The following GLG1 variants were observed in gnomAD, a reference collection of about 807,000 sequenced individuals.
The protein encoded by GLG1 is Golgi apparatus protein 1.
In GLG1, 38 loss-of-function variants were observed where a neutral mutation model predicts 160.5. The observed-to-expected ratio is 0.24, with a 90% CI of 0.18 to 0.31. The LOEUF (loss-of-function observed/expected upper bound fraction) is 0.31. Ranked by LOEUF, GLG1 falls within the 10% of genes least tolerant of loss-of-function variation. GLG1 has a pLI of 1.00. For missense variants in GLG1, 1,373 were observed against 1,505.2 expected, an observed-to-expected ratio of 0.91 and a Z score of 1.45; for synonymous variants, 644 against 543.4, an observed-to-expected ratio of 1.19 and a Z score of -2.57.
chr16:74,591,826 T>A (rs1958191100), intron 1 of GLG1, among the ~76,000 whole-genome samples: 1 of 152,166 alleles, frequency 6.6e-6, no homozygotes, highest in Non-Finnish European at 1.5e-5. Flanking sequence ...ATTTCAGTAA[T>A]TTTTGAATTT....
chr16:74,496,391 A>AT, intron 5 of GLG1, 50 bp downstream of exon 5: 1 of 1,197,414 alleles, frequency 8.4e-7, no homozygotes, highest in Non-Finnish European at 1.2e-6. Flanking sequence ...ACAAAATTAT[A>AT]TATGTGTAAA....
At chr16:74,548,645 A>C (rs574096613) in intron 1 of GLG1, among the ~76,000 whole-genome samples, 1 of 120,440 alleles carries the variant, frequency 8.3e-6, no homozygotes, top group South Asian at 3.3e-4. Context: ...GCCTCAATTT[A>C]AATCTCAATT....
chr16:74,602,371 CA>C (rs923491932), intron 1 of GLG1, among the ~76,000 whole-genome samples: 12 of 151,684 alleles, frequency 7.9e-5, no homozygotes, highest in East Asian at 1.9e-4. Flanking sequence ...CAAAAACAAA[CA>C]AAAAAAACCT....
intron 2 of GLG1, among the ~76,000 whole-genome samples, chr16:74,518,145 A>G (rs917008879): frequency 3.9e-5 from 6 of 152,108 alleles, no homozygotes; most frequent in Admixed American, 3.3e-4. Flanking sequence ...TATAGAGTCA[A>G]TGCTATCCTC....
At chr16:74,530,894 C>G (rs1270108712) in intron 2 of GLG1, among the ~76,000 whole-genome samples, 2 of 152,096 alleles carry the variant, frequency 1.3e-5, no homozygotes, top group Non-Finnish European at 2.9e-5. Flanking sequence ...AAACTTTTTA[C>G]TGTTTATTGG....
chr16:74,452,097 C>T lies in GLG1; in HGVS notation c.*1070G>A, dbSNP rs1567449443. Reference sequence around the variant, plus strand: ...GTCACATCCTGAGACCACACTAAACCTTTATAAGCCATTGTCTCTGACCTG... The same window carrying T: ...GTCACATCCTGAGACCACACTAAACTTTTATAAGCCATTGTCTCTGACCTG... On this transcript the variant is annotated 3_prime_UTR_variant, in exon 26 of 26. Coordinates refer to ENST00000422840, the MANE Select transcript of GLG1 (RefSeq NM_001145667.2). 1.9e-6 allele frequency: 3 copies of T among 1,614,108 alleles called. No homozygotes were observed. The highest frequency in any genetic ancestry group is 2.5e-6 in the Non-Finnish European group (3 of 1,179,956).
intron 1 of GLG1, among the ~76,000 whole-genome samples, chr16:74,578,804 C>A (rs1957870082): frequency 1.3e-5 from 2 of 152,164 alleles, no homozygotes; most frequent in Non-Finnish European, 2.9e-5. Flanking sequence ...AATTAACATG[C>A]AGTATCATAA....
chr16:74,452,399 A>T lies in GLG1; in HGVS notation c.*768T>A, dbSNP rs2014349295. 3.3e-6 allele frequency: 4 copies of T among 1,221,360 alleles called. No homozygotes were observed. Among genetic ancestry groups the T allele is most frequent in the Non-Finnish European group, 3.1e-6 (3 of 970,434 alleles). The allele number at this position is 1,221,360 out of a possible 1,614,324, so 75.7% of individuals were successfully genotyped here. On this transcript the variant is annotated 3_prime_UTR_variant, in exon 26 of 26. Transcript: ENST00000422840. Reference sequence around the variant, plus strand: ...GATGGATGGACTGTTCAACTTCACAAACTTCCGGTCCCTTCCCCTCCCCAG... The same window carrying T: ...GATGGATGGACTGTTCAACTTCACATACTTCCGGTCCCTTCCCCTCCCCAG...
intron 1 of GLG1, among the ~76,000 whole-genome samples, chr16:74,603,408 CAA>C (rs66587758): frequency 1.6e-3 from 201 of 128,890 alleles, no homozygotes; most frequent in Middle Eastern, 3.9e-3. Flanking sequence ...GACTCCGTCT[CAA>C]AAAAAAAAAA....
chr16:74,533,238 A>T (rs2017595109), intron 1 of GLG1, among the ~76,000 whole-genome samples: 1 of 151,770 alleles, frequency 6.6e-6, no homozygotes, highest in African/African-American at 2.4e-5. Context: ...GGAGAATCGC[A>T]TGAACCCGGG....
chr16:74,503,400 G>A, intron 4 of GLG1, 131 bp downstream of exon 4: 1 of 680,150 alleles, frequency 1.5e-6, no homozygotes, highest in East Asian at 2.6e-5. Context: ...TCTTAGGGCT[G>A]TCTGGACAAG....
intron 1 of GLG1, among the ~76,000 whole-genome samples, chr16:74,556,186 ATCACAAAATGTCCC>A (rs1014179114): frequency 6.6e-6 from 1 of 152,192 alleles, no homozygotes; most frequent in African/African-American, 2.4e-5. Context: ...AAATTCCTAA[ATCACAAAATGTCCC>A]TCTTACTCTT....
chr16:74,510,153 T>C lies in GLG1; in HGVS notation c.472-1228A>G, dbSNP rs541629505. ...TTCAAGCAATTCTCCTGCCTCGGCC[T>C]CCCGAGTAGCTGGGATTACAGGCAT... On this transcript the variant is annotated intron_variant, in intron 2 of 25. Coordinates refer to ENST00000422840, the MANE Select transcript of GLG1 (RefSeq NM_001145667.2). Among the ~76,000 whole-genome samples the C allele has an allele frequency of 7.9e-5, 12 of 151,610 alleles. No homozygotes were observed. In the South Asian group the frequency reaches 8.4e-4, roughly 11 times the overall value.
chr16:74,453,430 A>G, intron 25 of GLG1, 96 bp from the exon 26 acceptor site: 1 of 735,894 alleles, frequency 1.4e-6, no homozygotes, highest in South Asian at 1.9e-5. Context: ...AGTTTAATTT[A>G]TGTCTTTTCT....
intron 2 of GLG1, among the ~76,000 whole-genome samples, chr16:74,517,802 C>T (rs374064977): frequency 2.0e-5 from 3 of 152,112 alleles, no homozygotes; most frequent in African/African-American, 4.8e-5. Flanking sequence ...TAGAAAAGCC[C>T]GTCATCTCAG....
chr16:74,562,377 C>T (rs1351991495), intron 1 of GLG1, among the ~76,000 whole-genome samples: 1 of 152,216 alleles, frequency 6.6e-6, no homozygotes, highest in Admixed American at 6.5e-5. Flanking sequence ...ATGTATCTTC[C>T]TCTCCCAAAC....
intron 9 of GLG1, among the ~76,000 whole-genome samples, chr16:74,483,663 CTTT>C (rs898114669): frequency 2.8e-5 from 4 of 144,666 alleles, no homozygotes; most frequent in Non-Finnish European, 1.5e-5. Flanking sequence ...CTTTTCTTTT[CTTT>C]TTTTTTTTTT....
At chr16:74,507,437 TA>T (rs111456193) in intron 3 of GLG1, among the ~76,000 whole-genome samples, 4 of 151,674 alleles carry the variant, frequency 2.6e-5, no homozygotes, top group African/African-American at 9.7e-5. Context: ...ATGTGTTTTT[TA>T]AAAAAAAACT....
At chr16:74,519,393 T>C (rs1567499190) in intron 2 of GLG1, among the ~76,000 whole-genome samples, 2 of 152,020 alleles carry the variant, frequency 1.3e-5, no homozygotes, top group Admixed American at 6.6e-5. Context: ...AGGTGACAGG[T>C]TGATGGGTGC....
Sources: allele counts gnomAD v4.1 joint callset (sites outside exome capture counted in the v4.1 genomes callset), GRCh38; gene constraint gnomAD v4.1.1; transcripts MANE v1.5; gene names NCBI Gene and HGNC (gene_info 2026-07-23, HGNC 2026-07-21).